CARD14: variants seen among roughly 807,000 people sequenced by gnomAD.
CARD14 encodes caspase recruitment domain family member 14.
CARD14 carries 107 observed loss-of-function variants against 111.5 expected under a neutral mutation model. The ratio of observed to expected loss-of-function variants is 0.96; its 90% CI spans 0.82 to 1.13. CARD14 has a LOEUF of 1.13. CARD14 is among the 50% of genes most tolerant of loss of function. The pLI, the probability that CARD14 is intolerant of heterozygous loss-of-function variation, is 0.00. For missense variants in CARD14, 1,322 were observed against 1,362.3 expected (o/e 0.97, Z 0.47); for synonymous variants, 617 against 579.6 (o/e 1.06, Z -0.93).
intron 14 of CARD14, chr17:80,196,125 C>G (rs1013654106): frequency 1.3e-5 from 2 of 154,920 alleles, no homozygotes; most frequent in African/African-American, 4.8e-5. Context: ...GTGATTGGAC[C>G]GGCCCTCTCT....
chr17:80,200,299 CG>C (rs2040905855), intron 16 of CARD14, among the ~76,000 whole-genome samples: 1 of 133,580 alleles, frequency 7.5e-6, no homozygotes, highest in South Asian at 2.4e-4. Context: ...TGCAGTGGCT[CG>C]ATCTTGGCCC....
Position 80,189,754 on chromosome 17 carries a change from C to T in CARD14, c.845C>T (p.Ala282Val), listed in dbSNP as rs777532053. 1.1e-5 allele frequency: 18 copies of T among 1,574,688 alleles called. No homozygotes were observed. The highest frequency in any genetic ancestry group is 3.8e-5 in the Admixed American group (2 of 52,078). The change falls in exon 9 of 24, where the codon GCG becomes GTG. Residue 282 changes from alanine (A) to valine (V), a missense_variant and splice_region_variant. Ala to Val is a moderately conservative substitution (Grantham distance 64). Coordinates refer to ENST00000648509, the MANE Select transcript of CARD14 (RefSeq NM_001366385.1). This position sits in a 1 kb window ranked among gnomAD's most constrained non-coding sequence, Gnocchi z 4.7. Reference sequence around the variant, plus strand: ...CAGGCTGACCTCTCTCTGCCCCAGGCGGAGAAGGACATTCTGGAGCAGAGC... The same window carrying T: ...CAGGCTGACCTCTCTCTGCCCCAGGTGGAGAAGGACATTCTGGAGCAGAGC... Reference protein sequence around the residue: ...EKLRSLTFSLAEKDILEQSLD... With the variant: ...EKLRSLTFSLVEKDILEQSLD...
In CARD14 at chr17:80,187,928, G is replaced by A. The variant is rs146578252; in HGVS notation, c.676-449G>A. 4.1e-4 allele frequency: 404 copies of A among 985,926 alleles called. 1 individual carries two copies. In the East Asian group the frequency reaches 0.022, roughly 54 times the overall value. 61.1% of individuals were successfully genotyped at this position (985,926 alleles called of 1,614,324 possible). A position where few individuals can be genotyped will look rare whatever the true frequency, so the allele number is the denominator to read the frequency against. On this transcript the variant is annotated intron_variant, in intron 7 of 23. Transcript: ENST00000648509. ...GCCCCGGTCCCGCGTTCCCAGGCAC[G>A]TCTACCCCTCCGACCTGACTTTCCT...
rs34737700 is a variant in CARD14, at chr17:80,199,561, C to CAAAAAAA, written c.1851+984_1851+990dup. On this transcript the variant is annotated intron_variant, in intron 16 of 23. Coordinates refer to ENST00000648509, the MANE Select transcript of CARD14 (RefSeq NM_001366385.1). The stretch of plus-strand genomic sequence containing the variant: ...TGGGTGACAGAGCAAAGCCTTGTCT[C>CAAAAAAA]AAAAAAAAAAAAAAAAAAAAGAAAA... Among the ~76,000 whole-genome samples, 12 of 68,760 alleles carry CAAAAAAA rather than the reference C, an allele frequency of 1.7e-4. 1 individual carries two copies. Among genetic ancestry groups the CAAAAAAA allele is most frequent in the African/African-American group, 3.1e-4 (5 of 16,286 alleles). The allele number at this position is 68,760 out of a possible 152,430, so 45.1% of individuals were successfully genotyped here.
chr17:80,203,435 C>T lies in CARD14; in HGVS notation c.2220-387C>T. ...CCCCTGGGGATCGGAGCCAGCAGGT[C>T]CAGGGAGAGGCCTGGCACTCTGCAT... is the stretch of plus-strand genomic sequence containing the variant. On this transcript the variant is annotated intron_variant, in intron 18 of 23. Transcript: ENST00000648509. The surrounding 1 kb of genome is among the most constrained non-coding windows in gnomAD (Gnocchi z 4.6). The T allele has an allele frequency of 4.9e-6, 1 of 203,692 alleles. No homozygotes were observed. The highest frequency in any genetic ancestry group is 9.8e-6 in the Non-Finnish European group (1 of 101,936). The allele number at this position is 203,692 out of a possible 1,614,324, so 12.6% of individuals were successfully genotyped here. A position where few individuals can be genotyped will look rare whatever the true frequency, so the allele number is the denominator to read the frequency against.
intron 19 of CARD14, 148 bp downstream of exon 19, chr17:80,204,033 C>A: frequency 1.2e-6 from 1 of 806,720 alleles, no homozygotes; most frequent in Non-Finnish European, 2.0e-6. Flanking sequence ...CCCTTCAAAC[C>A]AGGGCAGGGT....
chr17:80,194,484 C>T (rs1443754521), intron 12 of CARD14, among the ~76,000 whole-genome samples: 2 of 152,250 alleles, frequency 1.3e-5, no homozygotes, highest in Non-Finnish European at 2.9e-5. Context: ...GGCCTCCCCT[C>T]CCTAGTCACT....
rs1243488901 is a variant in CARD14, at chr17:80,195,046, T to A, written c.1357-145T>A. Reference sequence around the variant, plus strand: ...GCATACAGCAGGTGCTCAGCGCATGTGACCCCATGTGTGTCCTTCTTTCCC... The same window carrying A: ...GCATACAGCAGGTGCTCAGCGCATGAGACCCCATGTGTGTCCTTCTTTCCC... On this transcript the variant is annotated intron_variant, in intron 12 of 23. Coordinates refer to ENST00000648509, the MANE Select transcript of CARD14 (RefSeq NM_001366385.1). This position sits in a 1 kb window ranked among gnomAD's most constrained non-coding sequence, Gnocchi z 4.7. 9.9e-7 allele frequency: 1 copy of A among 1,009,554 alleles called. No individual in the cohort carries two copies. Among genetic ancestry groups the A allele is most frequent in the Non-Finnish European group, 1.4e-6 (1 of 705,052 alleles). The allele number at this position is 1,009,554 out of a possible 1,614,324, so 62.5% of individuals were successfully genotyped here.
At chr17:80,194,784 C>T (rs768960769) in intron 12 of CARD14, among the ~76,000 whole-genome samples, 7 of 152,132 alleles carry the variant, frequency 4.6e-5, no homozygotes, top group African/African-American at 9.7e-5. Flanking sequence ...ATGGGGGAAA[C>T]GGACCCCATG....
chr17:80,175,986 T>G (rs2040017079), intron 2 of CARD14, among the ~76,000 whole-genome samples: 1 of 49,158 alleles, frequency 2.0e-5, no homozygotes, highest in African/African-American at 8.2e-5. Flanking sequence ...TTTTTTTTTT[T>G]TTTTTTAAAA....
At chr17:80,175,604 A>C (rs911565089) in intron 2 of CARD14, among the ~76,000 whole-genome samples, 1 of 152,116 alleles carries the variant, frequency 6.6e-6, no homozygotes, top group African/African-American at 2.4e-5. Flanking sequence ...GAGGAAGCCA[A>C]GGGGATGGAA....
rs1162125062 is a variant in CARD14, at chr17:80,209,079, C to T, written c.*734C>T. ...CAAGGCCCAGCGGACTCTGCCTTCC[C>T]CTGACCTGGCTTTGCACCCCAGCCC... On this transcript the variant is annotated 3_prime_UTR_variant, in exon 24 of 24. Transcript: ENST00000648509. The T allele has an allele frequency of 6.4e-6, 1 of 155,516 alleles. No individual in the cohort carries two copies. The allele number at this position is 155,516 out of a possible 1,614,324, so 9.6% of individuals were successfully genotyped here.
chr17:80,190,744 T>G (rs1180077110), intron 9 of CARD14, 30 bp from the exon 10 acceptor site: 1 of 1,612,676 alleles, frequency 6.2e-7, no homozygotes. Flanking sequence ...GCTGCTGAGC[T>G]TCACGGTCCA....
rs189380409 is a variant in CARD14, at chr17:80,187,429, G to A, written c.676-948G>A. 6.8e-4 allele frequency among the ~76,000 whole-genome samples: 104 copies of A among 152,318 alleles called. No individual in the cohort carries two copies. In the Middle Eastern group the frequency reaches 0.01, roughly 15 times the overall value. ...TCTCTCTCTTCGTTGTGGTTATGGC[G>A]TCTGTTGGAAATAGAATTCGGTTCA... On this transcript the variant is annotated intron_variant, in intron 7 of 23. Coordinates refer to ENST00000648509, the MANE Select transcript of CARD14 (RefSeq NM_001366385.1).
intron 2 of CARD14, 135 bp from the exon 3 acceptor site, chr17:80,178,373 C>T (rs548816548): frequency 1.3e-5 from 2 of 152,352 alleles, no homozygotes; most frequent in African/African-American, 2.4e-5. Context: ...AAAGGTCCGT[C>T]GAGTTATTTC....
In CARD14 at chr17:80,189,611, T is replaced by C. The variant is rs966958932; in HGVS notation, c.844-142T>C. The C allele has an allele frequency of 4.0e-5, 44 of 1,098,852 alleles. No homozygotes were observed. The highest frequency in any genetic ancestry group is 2.1e-5 in the South Asian group (1 of 48,042). The allele number at this position is 1,098,852 out of a possible 1,614,324, so 68.1% of individuals were successfully genotyped here. A position where few individuals can be genotyped will look rare whatever the true frequency, so the allele number is the denominator to read the frequency against. ...TGATGGGTGGCTTTTCCGTGGCTTCTCTCCTGCCCGGTGTAGAGTGGCAAG... is the reference window on the plus strand; with the variant it reads ...TGATGGGTGGCTTTTCCGTGGCTTCCCTCCTGCCCGGTGTAGAGTGGCAAG... On this transcript the variant is annotated intron_variant, in intron 8 of 23. Coordinates refer to ENST00000648509, the MANE Select transcript of CARD14 (RefSeq NM_001366385.1). The surrounding 1 kb of genome is among the most constrained non-coding windows in gnomAD (Gnocchi z 4.7).
Position 80,188,254 on chromosome 17 carries a change from C to G in CARD14, c.676-123C>G. On this transcript the variant is annotated intron_variant, in intron 7 of 23. Transcript: ENST00000648509. This position sits in a 1 kb window ranked among gnomAD's most constrained non-coding sequence, Gnocchi z 4.5. ...AACCCTTTCGTGGGTTTTTCAGTCT[C>G]GAGGCAGGAAGCCCCCTGAGTGCTA... 9.7e-7 allele frequency: 1 copy of G among 1,034,606 alleles called. No homozygotes were observed. Among genetic ancestry groups the G allele is most frequent in the East Asian group, 3.1e-5 (1 of 31,840 alleles). The allele number at this position is 1,034,606 out of a possible 1,614,324, so 64.1% of individuals were successfully genotyped here. A position where few individuals can be genotyped will look rare whatever the true frequency, so the allele number is the denominator to read the frequency against.
rs769208715 is a variant in CARD14 at position 80,201,865 on chromosome 17, C to T, written c.1973C>T (p.Thr658Met). 26 of 1,612,374 alleles carry T rather than the reference C, an allele frequency of 1.6e-5. No homozygotes were observed. Among genetic ancestry groups the T allele is most frequent in the Admixed American group, 6.7e-5 (4 of 59,866 alleles). ...GFCCLSVKVN[T>M]DGYKRLLQDL... Reference sequence around the variant, plus strand: ...TGCTGCCTGTCTGTGAAGGTCAACACGGACGGTACACATACCACTCCTCTC... The same window carrying T: ...TGCTGCCTGTCTGTGAAGGTCAACATGGACGGTACACATACCACTCCTCTC... Residue 658 changes from threonine (T) to methionine (M), a missense_variant, in exon 17 of 24, where the codon ACG (threonine) becomes ATG (methionine). Physicochemically the swap from Thr to Met is moderately conservative, Grantham distance 81. Transcript: ENST00000648509. The surrounding 1 kb of genome is among the most constrained non-coding windows in gnomAD (Gnocchi z 5.0).
At chr17:80,207,469 T>A (rs2041393858) in intron 23 of CARD14, 1 of 168,230 alleles carries the variant, frequency 5.9e-6, no homozygotes, top group Non-Finnish European at 1.3e-5. Context: ...GATAATTACT[T>A]GAACTGGGAG....
Sources: allele counts gnomAD v4.1 joint callset (sites outside exome capture counted in the v4.1 genomes callset), GRCh38; gene constraint gnomAD v4.1.1; non-coding constraint Gnocchi (gnomAD v3.1); transcripts MANE v1.5; gene names NCBI Gene and HGNC (gene_info 2026-07-23, HGNC 2026-07-21).